ZBTB7C: variants seen among roughly 807,000 people sequenced by gnomAD.
ZBTB7C encodes the protein zinc finger and BTB domain-containing protein 7C.
In ZBTB7C, 8 loss-of-function variants were observed where a neutral mutation model predicts 25.7. The ratio of observed to expected loss-of-function variants is 0.31; its 90% CI spans 0.18 to 0.56. ZBTB7C has a LOEUF of 0.56. ZBTB7C is among the 20% of genes least tolerant of loss of function. The pLI is 0.91. For missense variants in ZBTB7C, 824 were observed against 855.2 expected (o/e 0.96, Z 0.46); for synonymous variants, 394 against 369.0 (o/e 1.07, Z -0.78).
intron 2 of ZBTB7C, among the ~76,000 whole-genome samples, chr18:48,230,188 C>A (rs949594147): frequency 9.9e-5 from 15 of 152,174 alleles, no homozygotes; most frequent in African/African-American, 3.4e-4. Context: ...GCTCATCAAA[C>A]AACACTCCCC....
chr18:48,314,578 G>T (rs2144813657), intron 2 of ZBTB7C, among the ~76,000 whole-genome samples: 1 of 152,306 alleles, frequency 6.6e-6, no homozygotes, highest in African/African-American at 2.4e-5. Context: ...GCCAAGAGCT[G>T]CTAGGACTAG....
chr18:48,122,957 A>T (rs1455883838), intron 3 of ZBTB7C, among the ~76,000 whole-genome samples: 1 of 152,062 alleles, frequency 6.6e-6, no homozygotes, highest in Non-Finnish European at 1.5e-5. Flanking sequence ...TCCCTCTTGG[A>T]CTCTGACTCC....
chr18:48,191,781 G>T (rs1212736346), intron 2 of ZBTB7C, among the ~76,000 whole-genome samples: 3 of 152,148 alleles, frequency 2.0e-5, no homozygotes, highest in African/African-American at 7.2e-5. Flanking sequence ...GGCAGCAGCT[G>T]CCCCTCCCAG....
chr18:48,071,643 C>T (rs1486744762), intron 3 of ZBTB7C, among the ~76,000 whole-genome samples: 2 of 152,122 alleles, frequency 1.3e-5, no homozygotes, highest in African/African-American at 2.4e-5. Flanking sequence ...CTTTTGAGTA[C>T]ATAATCAAAA....
At chr18:48,043,854 T>C (rs564437038) in intron 3 of ZBTB7C, among the ~76,000 whole-genome samples, 4 of 152,330 alleles carry the variant, frequency 2.6e-5, no homozygotes, top group African/African-American at 9.6e-5. Context: ...AAGCCACTAA[T>C]CAATCTCCTC....
intron 1 of ZBTB7C, among the ~76,000 whole-genome samples, chr18:48,367,175 T>A (rs866794887): frequency 5.1e-4 from 32 of 62,228 alleles, no homozygotes; most frequent in African/African-American, 2.2e-3. Flanking sequence ...TCCCCAAGTT[T>A]TATATATATA....
chr18:48,053,911 G>A (rs1268734701), intron 3 of ZBTB7C, among the ~76,000 whole-genome samples: 3 of 152,230 alleles, frequency 2.0e-5, no homozygotes. Flanking sequence ...AGGCCCCCAA[G>A]CAGCCAGGGA....
At chr18:48,130,764 T>G (rs1019817257) in intron 3 of ZBTB7C, among the ~76,000 whole-genome samples, 5 of 152,242 alleles carry the variant, frequency 3.3e-5, no homozygotes, top group African/African-American at 1.2e-4. Flanking sequence ...CCATTTCAAG[T>G]CAGGAAATTG....
intron 1 of ZBTB7C, among the ~76,000 whole-genome samples, chr18:48,378,179 T>C (rs971329451): frequency 6.6e-6 from 1 of 152,082 alleles, no homozygotes; most frequent in African/African-American, 2.4e-5. Flanking sequence ...CTTAGGAAAG[T>C]TAGAGTTTCT....
chr18:48,155,932 C>A (rs536413911), intron 3 of ZBTB7C, among the ~76,000 whole-genome samples: 1 of 152,252 alleles, frequency 6.6e-6, no homozygotes, highest in South Asian at 2.1e-4. Context: ...AGTTGCTGGG[C>A]CCCTCACAGA....
chr18:48,304,607 G>A (rs879474461), intron 2 of ZBTB7C, among the ~76,000 whole-genome samples: 16 of 152,262 alleles, frequency 1.1e-4, no homozygotes, highest in South Asian at 2.1e-4. Flanking sequence ...CCCGGGCAGC[G>A]GAGGTTGCAG....
chr18:48,167,082 T>C (rs1170328642), intron 3 of ZBTB7C, among the ~76,000 whole-genome samples: 1 of 152,176 alleles, frequency 6.6e-6, no homozygotes, highest in African/African-American at 2.4e-5. Flanking sequence ...CTCTGCACAA[T>C]GGCCATCCGG....
Position 48,187,380 on chromosome 18 carries a change from T to C in ZBTB7C, c.-78-1385A>G, listed in dbSNP as rs563781166. ...AGCAGAATTTTATTTAGCCTTAAAG[T>C]GGAAGGAAATTCGGATACAGGCTAC... On this transcript the variant is annotated intron_variant, in intron 2 of 4. Coordinates refer to ENST00000590800, the MANE Select transcript of ZBTB7C (RefSeq NM_001318841.2). 1.8e-3 allele frequency among the ~76,000 whole-genome samples: 269 copies of C among 152,210 alleles called. 2 individuals carry two copies. Among genetic ancestry groups the C allele is most frequent in the African/African-American group, 6.2e-3 (258 of 41,544 alleles).
At chr18:48,339,049 A>G (rs1230216927) in intron 1 of ZBTB7C, among the ~76,000 whole-genome samples, 1 of 152,260 alleles carries the variant, frequency 6.6e-6, no homozygotes, top group Non-Finnish European at 1.5e-5. Flanking sequence ...CCGGCTCCAC[A>G]GAGCCATCAC....
At chr18:48,159,193 C>T (rs1358646357) in intron 3 of ZBTB7C, among the ~76,000 whole-genome samples, 1 of 152,062 alleles carries the variant, frequency 6.6e-6, no homozygotes, top group African/African-American at 2.4e-5. Context: ...TTTTCTATTC[C>T]CCTTGTCCTA....
chr18:48,036,920 A>G (rs1413750179), intron 4 of ZBTB7C, among the ~76,000 whole-genome samples: 2 of 152,212 alleles, frequency 1.3e-5, no homozygotes, highest in Non-Finnish European at 1.5e-5. Flanking sequence ...GGGCTCTTCA[A>G]GCACGGAAAA....
chr18:48,288,492 A>G (rs928740255), intron 2 of ZBTB7C, among the ~76,000 whole-genome samples: 2 of 141,520 alleles, frequency 1.4e-5, no homozygotes, highest in African/African-American at 5.4e-5. Flanking sequence ...TACTAAAAGT[A>G]CAAAAAAAAA....
rs977112461 is a variant in ZBTB7C at position 48,286,341 on chromosome 18, G to A, written c.-79+51833C>T. ...ATGGGATAAAAATAGAAAATATTTT[G>A]AAAGTACAGAAATAATTGATAACTC... is the stretch of plus-strand genomic sequence containing the variant. On this transcript the variant is annotated intron_variant, in intron 2 of 4. Transcript: ENST00000590800. Among the ~76,000 whole-genome samples, 3 of 151,770 alleles carry A rather than the reference G, an allele frequency of 2.0e-5. No individual in the cohort carries two copies. The East Asian group carries it at 5.8e-4, about 29-fold the overall frequency.
At chr18:48,045,839 G>A (rs149983990) in intron 3 of ZBTB7C, among the ~76,000 whole-genome samples, 4,328 of 152,318 alleles carry the variant, frequency 0.028, 72 homozygotes, top group Non-Finnish European at 0.042. Context: ...CTGACACAAA[G>A]TTGGTGGAAG....
Sources: gnomAD v4.1 joint callset for allele counts (sites outside exome capture counted in the v4.1 genomes callset) on GRCh38, gnomAD v4.1.1 for gene constraint, MANE v1.5 for transcripts, NCBI Gene and HGNC (gene_info 2026-07-23, HGNC 2026-07-21) for gene names.